The following GPC6 variants were observed in gnomAD, a reference collection of about 807,000 sequenced individuals.
GPC6 encodes glypican-6.
In GPC6, 14 loss-of-function variants were observed where a neutral mutation model predicts 55.2. The observed-to-expected ratio is 0.25, with a 90% CI of 0.17 to 0.40. The LOEUF (loss-of-function observed/expected upper bound fraction) is 0.40. Ranked by LOEUF, GPC6 falls within the 10% of genes least tolerant of loss-of-function variation. The pLI is 1.00. For synonymous variants in GPC6, 278 were observed against 259.6 expected (o/e 1.07, Z -0.68); for missense variants, 641 against 708.5 (o/e 0.90, Z 1.08).
At chr13:93,933,683 A>T (rs905679663) in intron 3 of GPC6, among the ~76,000 whole-genome samples, 19 of 152,196 alleles carry the variant, frequency 1.2e-4, no homozygotes, top group African/African-American at 4.3e-4. Context: ...TCTTGTTAGT[A>T]CTGTTATTGT....
At chr13:94,294,383 A>G (rs1875203331) in intron 5 of GPC6, among the ~76,000 whole-genome samples, 1 of 151,110 alleles carries the variant, frequency 6.6e-6, no homozygotes, top group Non-Finnish European at 1.5e-5. Context: ...GATGGCCTTC[A>G]GGTACTTAAT....
At chr13:93,380,430 G>A (rs765934769) in intron 1 of GPC6, among the ~76,000 whole-genome samples, 3 of 152,172 alleles carry the variant, frequency 2.0e-5, no homozygotes, top group Non-Finnish European at 4.4e-5. Context: ...TCATATAAAT[G>A]TTCTAGAATA....
intron 1 of GPC6, among the ~76,000 whole-genome samples, chr13:93,252,109 G>T (rs1003477247): frequency 2.6e-5 from 4 of 152,130 alleles, no homozygotes; most frequent in African/African-American, 4.8e-5. Flanking sequence ...AAACAGGTGG[G>T]CCCCACCCTG....
At chr13:93,550,111 G>GT (rs998650296) in intron 2 of GPC6, among the ~76,000 whole-genome samples, 4 of 152,008 alleles carry the variant, frequency 2.6e-5, no homozygotes, top group African/African-American at 7.2e-5. Context: ...AGGAATGGGT[G>GT]TTTTTTGTAA....
At chr13:94,385,015 A>G (rs9524471) in intron 7 of GPC6, among the ~76,000 whole-genome samples, 62,821 of 151,966 alleles carry the variant, frequency 0.41, 13,186 homozygotes, top group Non-Finnish European at 0.45. Context: ...CAAGGCAGGC[A>G]GATCACCTGA....
At chr13:93,630,132 G>A (rs1594325067) in intron 2 of GPC6, among the ~76,000 whole-genome samples, 3 of 152,212 alleles carry the variant, frequency 2.0e-5, no homozygotes, top group Non-Finnish European at 2.9e-5. Context: ...TCTTTTGAGT[G>A]ATTGGATTGG....
intron 1 of GPC6, among the ~76,000 whole-genome samples, chr13:93,346,687 A>C (rs1009370880): frequency 2.6e-5 from 4 of 152,204 alleles, no homozygotes; most frequent in Non-Finnish European, 4.4e-5. Flanking sequence ...CAATGAGGAA[A>C]GAAGTGAGAA....
chr13:94,201,151 G>T (rs921079219), intron 4 of GPC6, among the ~76,000 whole-genome samples: 1 of 152,184 alleles, frequency 6.6e-6, no homozygotes, highest in Non-Finnish European at 1.5e-5. Context: ...CTGGCTTTGG[G>T]TTTTGCTATC....
chr13:93,277,203 G>A lies in GPC6; in HGVS notation c.160+49587G>A, dbSNP rs549763568. Among the ~76,000 whole-genome samples, 7 of 152,178 alleles carry A rather than the reference G, an allele frequency of 4.6e-5. No homozygotes were observed. In the East Asian group the frequency reaches 1.2e-3, roughly 25 times the overall value. On this transcript the variant is annotated intron_variant, in intron 1 of 8. Coordinates refer to ENST00000377047, the MANE Select transcript of GPC6 (RefSeq NM_005708.5). ...TTTTACCGTGGGTGAAGGAATTTAC[G>A]AACACACCACTGAGGTGAAAAGAAA...
intron 1 of GPC6, among the ~76,000 whole-genome samples, chr13:93,229,164 C>T (rs1875923523): frequency 6.6e-6 from 1 of 152,144 alleles, no homozygotes; most frequent in Admixed American, 6.5e-5. Context: ...CCCCACAGCT[C>T]CTTAAGTTTC....
intron 6 of GPC6, among the ~76,000 whole-genome samples, chr13:94,320,180 C>T (rs911184171): frequency 6.6e-6 from 1 of 152,198 alleles, no homozygotes; most frequent in Non-Finnish European, 1.5e-5. Flanking sequence ...AACCCAGCCA[C>T]TTAGTTTTTA....
intron 1 of GPC6, among the ~76,000 whole-genome samples, chr13:93,446,779 C>T (rs1313206973): frequency 1.3e-5 from 2 of 152,022 alleles, no homozygotes; most frequent in African/African-American, 2.4e-5. Context: ...TGAACTTGAA[C>T]GAGGTTAATG....
intron 4 of GPC6, among the ~76,000 whole-genome samples, chr13:94,178,728 C>T (rs1888877439): frequency 6.6e-6 from 1 of 152,128 alleles, no homozygotes; most frequent in Non-Finnish European, 1.5e-5. Flanking sequence ...GTTTCCTTCC[C>T]AACAACTCTG....
intron 1 of GPC6, among the ~76,000 whole-genome samples, chr13:93,431,919 T>C (rs17267738): frequency 6.6e-6 from 1 of 152,060 alleles, no homozygotes; most frequent in Non-Finnish European, 1.5e-5. Flanking sequence ...TGATGCTGTT[T>C]CCTAAAGTCA....
At chr13:94,183,211 T>G (rs1889054793) in intron 4 of GPC6, among the ~76,000 whole-genome samples, 1 of 152,222 alleles carries the variant, frequency 6.6e-6, no homozygotes, top group South Asian at 2.1e-4. Context: ...ATAATTCGCC[T>G]TTCTTACTTA....
intron 5 of GPC6, among the ~76,000 whole-genome samples, chr13:94,301,980 T>G (rs1408730149): frequency 6.6e-6 from 1 of 152,214 alleles, no homozygotes; most frequent in Non-Finnish European, 1.5e-5. Flanking sequence ...AACCTAGCCA[T>G]GGCCTTCATG....
intron 4 of GPC6, among the ~76,000 whole-genome samples, chr13:94,266,286 A>T (rs1891807753): frequency 6.6e-6 from 1 of 151,874 alleles, no homozygotes; most frequent in Non-Finnish European, 1.5e-5. Flanking sequence ...CTCCTGCATC[A>T]GCCTCCCGAG....
chr13:93,588,367 A>AGTGTGTGTGT (rs71123497), intron 2 of GPC6, among the ~76,000 whole-genome samples: 4 of 150,384 alleles, frequency 2.7e-5, no homozygotes, highest in African/African-American at 9.8e-5. Flanking sequence ...GTGGCTATTA[A>AGTGTGTGTGT]GTGTGTGTGT....
At chr13:93,430,706 CCTT>C (rs1193980485) in intron 1 of GPC6, among the ~76,000 whole-genome samples, 3 of 152,104 alleles carry the variant, frequency 2.0e-5, no homozygotes, top group East Asian at 1.9e-4. Context: ...CCTTAAAAAT[CCTT>C]CTTATTTGCT....
Sources: allele counts gnomAD v4.1 joint callset (sites outside exome capture counted in the v4.1 genomes callset), GRCh38; gene constraint gnomAD v4.1.1; transcripts MANE v1.5; gene names NCBI Gene and HGNC (gene_info 2026-07-23, HGNC 2026-07-21).